The following DMRT1 variants were observed in gnomAD, a reference collection of about 807,000 sequenced individuals.
DMRT1 encodes the protein doublesex- and mab-3-related transcription factor 1.
Under a neutral mutation model 32.3 loss-of-function variants are expected in DMRT1, and 7 were observed. The observed-to-expected ratio is 0.22, with a 90% CI of 0.12 to 0.41. The LOEUF (loss-of-function observed/expected upper bound fraction) is 0.41. DMRT1 is among the 10% of genes least tolerant of loss of function. The pLI is 1.00. For synonymous variants in DMRT1, 278 were observed against 206.1 expected (o/e 1.35, Z -2.99); for missense variants, 625 against 500.5 (o/e 1.25, Z -2.37).
intron 4 of DMRT1, among the ~76,000 whole-genome samples, chr9:956,522 C>A (rs952865370): frequency 3.3e-5 from 5 of 150,994 alleles, no homozygotes; most frequent in Admixed American, 2.0e-4. Flanking sequence ...TATGATTGAG[C>A]CATTGCACTC....
chr9:957,098 C>T (rs1819625131), intron 4 of DMRT1, among the ~76,000 whole-genome samples: 1 of 152,184 alleles, frequency 6.6e-6, no homozygotes, highest in Admixed American at 6.5e-5. Flanking sequence ...ACCCTTGCCT[C>T]CCCGCCAGTA....
intron 4 of DMRT1, among the ~76,000 whole-genome samples, chr9:939,458 AT>A (rs746468033): frequency 6.6e-6 from 1 of 152,212 alleles, no homozygotes; most frequent in African/African-American, 2.4e-5. Context: ...AACAGAGTTA[AT>A]TTACCGTGGC....
At chr9:843,180 G>A (rs1435105677) in intron 1 of DMRT1, among the ~76,000 whole-genome samples, 5 of 152,224 alleles carry the variant, frequency 3.3e-5, no homozygotes, top group African/African-American at 1.2e-4. Context: ...CTTGGAGGGC[G>A]GCAGCGCTGG....
intron 2 of DMRT1, among the ~76,000 whole-genome samples, chr9:882,365 T>A (rs1225845913): frequency 6.6e-6 from 1 of 152,222 alleles, no homozygotes; most frequent in African/African-American, 2.4e-5. Context: ...ACCTTACTTG[T>A]GCCTCGAAGC....
chr9:910,632 G>T (rs558585637), intron 3 of DMRT1, among the ~76,000 whole-genome samples: 2 of 151,874 alleles, frequency 1.3e-5, no homozygotes, highest in Non-Finnish European at 2.9e-5. Flanking sequence ...TTATGGCTCG[G>T]GTTTACTGTA....
intron 4 of DMRT1, among the ~76,000 whole-genome samples, chr9:918,140 T>C (rs1286668175): frequency 6.6e-6 from 1 of 152,188 alleles, no homozygotes; most frequent in African/African-American, 2.4e-5. Flanking sequence ...GTTGGTTGAG[T>C]GAATGAATGA....
chr9:866,163 CAAA>C (rs71327351), intron 2 of DMRT1, among the ~76,000 whole-genome samples: 3 of 52,666 alleles, frequency 5.7e-5, no homozygotes, highest in Non-Finnish European at 9.3e-5. Flanking sequence ...GAGTCCATCT[CAAA>C]AAAAAAAAAA....
chr9:912,097 A>C (rs1340604287), intron 3 of DMRT1, among the ~76,000 whole-genome samples: 1 of 152,252 alleles, frequency 6.6e-6, no homozygotes, highest in African/African-American at 2.4e-5. Context: ...AAGGCGAAGA[A>C]GAAGCAGGCA....
Position 968,249 on chromosome 9 carries a change from G to GTATTTGGTTTATAT in DMRT1, c.*112_*125dup. 7.3e-7 allele frequency: 1 copy of GTATTTGGTTTATAT among 1,371,976 alleles called. No individual in the cohort carries two copies. Among genetic ancestry groups the GTATTTGGTTTATAT allele is most frequent in the Non-Finnish European group, 1.0e-6 (1 of 994,720 alleles). 85.0% of individuals were successfully genotyped at this position (1,371,976 alleles called of 1,614,324 possible). ...TCATACTATCTTAACTGTTGAGAAC[G>GTATTTGGTTTATAT]TATTTGGTTTATATTCCTTAGAGTT... On this transcript the variant is annotated 3_prime_UTR_variant, in exon 5 of 5. Coordinates refer to ENST00000382276, the MANE Select transcript of DMRT1 (RefSeq NM_021951.3).
At chr9:939,023 A>G (rs7862332) in intron 4 of DMRT1, among the ~76,000 whole-genome samples, 30,601 of 152,228 alleles carry the variant, frequency 0.2, 4,737 homozygotes, top group African/African-American at 0.43. Flanking sequence ...CCCTGCCTTC[A>G]CTGGTTAGGT....
At position 903,965 on chromosome 9, in the gene DMRT1, A is replaced by G. The variant is rs7859260; in HGVS notation, c.822+9770A>G. Among the ~76,000 whole-genome samples the G allele has an allele frequency of 6.9e-3, 1,057 of 152,286 alleles. 11 individuals are homozygous for G. Among genetic ancestry groups the G allele is most frequent in the African/African-American group, 0.024 (990 of 41,552 alleles). The stretch of plus-strand genomic sequence containing the variant: ...TGGGCTGTCCTACAGATTCATTTCC[A>G]TTGTTAGATGACTTCAGTGTGATCT... On this transcript the variant is annotated intron_variant, in intron 3 of 4. Transcript: ENST00000382276.
At chr9:868,806 T>C (rs1441106512) in intron 2 of DMRT1, among the ~76,000 whole-genome samples, 1 of 152,118 alleles carries the variant, frequency 6.6e-6, no homozygotes, top group Non-Finnish European at 1.5e-5. Flanking sequence ...GCCCAGGAGT[T>C]TGAGATCAGC....
chr9:967,875 G>A (rs941930162), intron 4 of DMRT1, 110 bp from the exon 5 acceptor site: 20 of 1,012,732 alleles, frequency 2.0e-5, no homozygotes, highest in Non-Finnish European at 2.7e-5. Context: ...AATGGAGAGC[G>A]TCACTTTCTT....
chr9:905,610 A>G (rs1885776), intron 3 of DMRT1, among the ~76,000 whole-genome samples: 122,950 of 151,652 alleles, frequency 0.81, 50,626 homozygotes, highest in Middle Eastern at 0.92. Context: ...TTGTTTGCAA[A>G]CCCCGAAGAG....
intron 4 of DMRT1, among the ~76,000 whole-genome samples, chr9:920,014 G>C (rs1462174611): frequency 6.6e-6 from 1 of 152,118 alleles, no homozygotes; most frequent in Non-Finnish European, 1.5e-5. Context: ...CAATTATTGA[G>C]GTAAAGAAGA....
At chr9:940,584 A>C (rs189426601) in intron 4 of DMRT1, among the ~76,000 whole-genome samples, 101 of 152,342 alleles carry the variant, frequency 6.6e-4, no homozygotes, top group African/African-American at 2.3e-3. Context: ...CAGGACCTAA[A>C]ATTATGAAAG....
intron 3 of DMRT1, among the ~76,000 whole-genome samples, chr9:908,807 C>G (rs185778992): frequency 6.6e-6 from 1 of 152,150 alleles, no homozygotes; most frequent in East Asian, 1.9e-4. Flanking sequence ...TGTGAGCGTC[C>G]TCCTCTCCAC....
chr9:930,093 T>G (rs924328394), intron 4 of DMRT1, among the ~76,000 whole-genome samples: 2 of 152,176 alleles, frequency 1.3e-5, no homozygotes, highest in African/African-American at 4.8e-5. Flanking sequence ...TCTTCTCAAA[T>G]TAGAGAAACC....
At chr9:866,266 G>T (rs1815982818) in intron 2 of DMRT1, among the ~76,000 whole-genome samples, 1 of 150,480 alleles carries the variant, frequency 6.6e-6, no homozygotes, top group Admixed American at 6.6e-5. Context: ...AACAGGTAAA[G>T]CACCATCAAT....
Sources: allele counts gnomAD v4.1 joint callset (sites outside exome capture counted in the v4.1 genomes callset), GRCh38; gene constraint gnomAD v4.1.1; transcripts MANE v1.5; gene names NCBI Gene and HGNC (gene_info 2026-07-23, HGNC 2026-07-21).